The following PLPPR5 variants were observed in gnomAD, a reference collection of about 807,000 sequenced individuals.
PLPPR5 encodes phospholipid phosphatase-related protein type 5.
PLPPR5 carries 16 observed loss-of-function variants against 33.9 expected under a neutral mutation model. That is an observed-to-expected ratio of 0.47 (90% CI 0.32 to 0.72). The LOEUF (loss-of-function observed/expected upper bound fraction) is 0.72. Ranked by LOEUF, PLPPR5 falls within the 30% of genes least tolerant of loss-of-function variation. PLPPR5 has a pLI of 0.03. For synonymous variants in PLPPR5, 163 were observed against 150.3 expected (o/e 1.08, Z -0.62); for missense variants, 301 against 406.7 (o/e 0.74, Z 2.23).
At chr1:98,942,007 TAC>T (rs1459595301) in intron 3 of PLPPR5, among the ~76,000 whole-genome samples, 14 of 131,236 alleles carry the variant, frequency 1.1e-4, no homozygotes, top group African/African-American at 3.3e-4. Context: ...TATATATATA[TAC>T]ACATATACGT....
intron 3 of PLPPR5, among the ~76,000 whole-genome samples, chr1:98,938,970 T>C (rs943700568): frequency 1.3e-5 from 2 of 151,928 alleles, no homozygotes; most frequent in African/African-American, 4.8e-5. Flanking sequence ...CTGGGGCCTA[T>C]TGGAGAGTGG....
At chr1:98,918,665 TC>T (rs2101157350) in intron 4 of PLPPR5, among the ~76,000 whole-genome samples, 1 of 152,262 alleles carries the variant, frequency 6.6e-6, no homozygotes, top group African/African-American at 2.4e-5. Flanking sequence ...CAGGGAAACT[TC>T]CTGGGGAAAT....
chr1:98,897,202 G>T (rs918983726), intron 5 of PLPPR5, among the ~76,000 whole-genome samples: 10 of 152,178 alleles, frequency 6.6e-5, no homozygotes, highest in African/African-American at 2.2e-4. Context: ...TTCTGTATTT[G>T]TCTTAGCTTT....
intron 1 of PLPPR5, among the ~76,000 whole-genome samples, chr1:98,979,666 G>C (rs567194329): frequency 6.6e-6 from 1 of 151,996 alleles, no homozygotes; most frequent in Admixed American, 6.6e-5. Context: ...TGCCTCCTGC[G>C]ATGGATTTCT....
rs114841541 is a variant in PLPPR5 at position 98,932,749 on chromosome 1, T to C, written c.622-10691A>G. 6.3e-3 allele frequency among the ~76,000 whole-genome samples: 963 copies of C among 152,310 alleles called. 10 individuals are homozygous for C. Among genetic ancestry groups the C allele is most frequent in the African/African-American group, 0.022 (912 of 41,566 alleles). On this transcript the variant is annotated intron_variant, in intron 3 of 5. Coordinates refer to ENST00000263177, the MANE Select transcript of PLPPR5 (RefSeq NM_001037317.2). ...GCAGTAAGCATGCACATTAGTTGGT[T>C]ATAATGAGTGGATAAAGGCCCAGAT...
chr1:98,978,164 G>C (rs770794347), intron 1 of PLPPR5, among the ~76,000 whole-genome samples: 95 of 151,920 alleles, frequency 6.3e-4, no homozygotes, highest in Non-Finnish European at 1.1e-3. Flanking sequence ...TGTATCACTA[G>C]ACCTCTGCCC....
intron 3 of PLPPR5, among the ~76,000 whole-genome samples, chr1:98,932,788 C>G (rs376165253): frequency 6.6e-6 from 1 of 152,156 alleles, no homozygotes; most frequent in Non-Finnish European, 1.5e-5. Flanking sequence ...ATCAGAGGAT[C>G]TGAGTTCCAG....
At chr1:98,921,005 TATACTTTAA>T (rs961337804) in intron 4 of PLPPR5, among the ~76,000 whole-genome samples, 1 of 152,162 alleles carries the variant, frequency 6.6e-6, no homozygotes, top group African/African-American at 2.4e-5. Flanking sequence ...CAACTTATAC[TATACTTTAA>T]GAGTATAATC....
chr1:98,969,028 C>T (rs1318741991), intron 1 of PLPPR5, among the ~76,000 whole-genome samples: 1 of 152,044 alleles, frequency 6.6e-6, no homozygotes, highest in East Asian at 1.9e-4. Context: ...AACTACTTTC[C>T]CTGTATGAAC....
rs1432155966 is a variant in PLPPR5 at position 98,939,796 on chromosome 1, G to A, written c.621+13274C>T. ...CCCTTCCTGTTGTCTGGTCTTGGCT[G>A]TGGTTCTGGCTGCTTAGGTTCTATC... On this transcript the variant is annotated intron_variant, in intron 3 of 5. Coordinates refer to ENST00000263177, the MANE Select transcript of PLPPR5 (RefSeq NM_001037317.2). 1.1e-4 allele frequency among the ~76,000 whole-genome samples: 16 copies of A among 151,958 alleles called. 2 individuals are homozygous for A. Among genetic ancestry groups the A allele is most frequent in the Admixed American group, 1.1e-3 (16 of 15,232 alleles).
chr1:98,901,706 A>G (rs1195479386), intron 5 of PLPPR5, among the ~76,000 whole-genome samples: 1 of 152,146 alleles, frequency 6.6e-6, no homozygotes, highest in Admixed American at 6.6e-5. Context: ...ATTGTTGCAG[A>G]GAACATACAG....
At position 98,892,969 on chromosome 1, in the gene PLPPR5, C is replaced by T; in HGVS notation, c.*103G>A. 1 of 1,130,662 alleles carries T rather than the reference C, an allele frequency of 8.8e-7. No homozygotes were observed. Among genetic ancestry groups the T allele is most frequent in the East Asian group, 2.5e-5 (1 of 39,570 alleles). The allele number at this position is 1,130,662 out of a possible 1,614,324, so 70.0% of individuals were successfully genotyped here. A position where few individuals can be genotyped will look rare whatever the true frequency, so the allele number is the denominator to read the frequency against. On this transcript the variant is annotated 3_prime_UTR_variant, in exon 6 of 6. Transcript: ENST00000263177. Reference sequence around the variant, plus strand: ...TTTTAAAATTATAAAAATTATTAAACAACTTTATAAACTTCACTTGCAATC... The same window carrying T: ...TTTTAAAATTATAAAAATTATTAAATAACTTTATAAACTTCACTTGCAATC...
chr1:98,923,574 T>C (rs1482236934), intron 3 of PLPPR5, among the ~76,000 whole-genome samples: 1 of 152,098 alleles, frequency 6.6e-6, no homozygotes, highest in African/African-American at 2.4e-5. Flanking sequence ...AAAGGGGCTG[T>C]ATAAATATGT....
chr1:98,980,815 A>C lies in PLPPR5; in HGVS notation c.237+23620T>G, dbSNP rs562451971. On this transcript the variant is annotated intron_variant, in intron 1 of 5. Coordinates refer to ENST00000263177, the MANE Select transcript of PLPPR5 (RefSeq NM_001037317.2). ...AAGCAAAACATAGAAAGAGAAATAA[A>C]AATAAACTTGCCAAGTTGAATTTTA... Among the ~76,000 whole-genome samples, 8 of 152,208 alleles carry C rather than the reference A, an allele frequency of 5.3e-5. No individual in the cohort carries two copies. In the South Asian group the frequency reaches 1.7e-3, roughly 31 times the overall value.
At chr1:98,970,080 G>C (rs183002407) in intron 1 of PLPPR5, among the ~76,000 whole-genome samples, 27 of 152,112 alleles carry the variant, frequency 1.8e-4, no homozygotes, top group African/African-American at 6.5e-4. Flanking sequence ...CAGAACAAAT[G>C]TCTTTTAAGG....
At chr1:99,003,080 T>TAC (rs1282522513) in intron 1 of PLPPR5, among the ~76,000 whole-genome samples, 6 of 137,914 alleles carry the variant, frequency 4.4e-5, no homozygotes, top group Admixed American at 1.4e-4. Context: ...TATATATATA[T>TAC]ATATATATAT....
intron 3 of PLPPR5, among the ~76,000 whole-genome samples, chr1:98,926,447 AGTGTGTGTGTGT>A (rs60874366): frequency 0.016 from 2,087 of 132,698 alleles, 24 homozygotes; most frequent in South Asian, 0.067. Flanking sequence ...AGGTTTGATT[AGTGTGTGTGTGT>A]GTGTGTGTGT....
intron 5 of PLPPR5, among the ~76,000 whole-genome samples, chr1:98,894,089 C>T (rs1648381597): frequency 6.6e-6 from 1 of 151,828 alleles, no homozygotes; most frequent in Non-Finnish European, 1.5e-5. Context: ...TATTAAACCA[C>T]ACAAAAGGAA....
chr1:98,930,882 C>T (rs1450404970), intron 3 of PLPPR5, among the ~76,000 whole-genome samples: 1 of 152,130 alleles, frequency 6.6e-6, no homozygotes. Flanking sequence ...CACTGAGTCC[C>T]CACCCAGCTT....
Sources: allele counts gnomAD v4.1 joint callset (sites outside exome capture counted in the v4.1 genomes callset), GRCh38; gene constraint gnomAD v4.1.1; transcripts MANE v1.5; gene names NCBI Gene and HGNC (gene_info 2026-07-23, HGNC 2026-07-21).